Variants in EGFR observed in about 807,000 individuals in gnomAD.
EGFR encodes the protein epidermal growth factor receptor, also known as avian erythroblastic leukemia viral (v-erb-b) oncogene homolog.
EGFR carries 58 observed loss-of-function variants against 143.0 expected under a neutral mutation model. The ratio of observed to expected loss-of-function variants is 0.41; its 90% CI spans 0.33 to 0.50. EGFR has a LOEUF of 0.50. Ranked by LOEUF, EGFR falls within the 20% of genes least tolerant of loss-of-function variation. EGFR has a pLI of 0.39. For synonymous variants in EGFR, 613 were observed against 594.4 expected (o/e 1.03, Z -0.45); for missense variants, 1,307 against 1,579.0 (o/e 0.83, Z 2.92).
In EGFR at chr7:55,119,797, G is replaced by A. The variant is rs117900682; in HGVS notation, c.89-22489G>A. On this transcript the variant is annotated intron_variant, in intron 1 of 27. Coordinates refer to ENST00000275493, the MANE Select transcript of EGFR (RefSeq NM_005228.5). ...AGTGTCTTGAAAGGTCCTTCTATTG[G>A]AGGACACATTCTGTTGCAGCAGGTG... Among the ~76,000 whole-genome samples the A allele has an allele frequency of 2.8e-4, 42 of 152,260 alleles. No homozygotes were observed. In the East Asian group the frequency reaches 7.9e-3, roughly 29 times the overall value.
rs776250367 is a variant in EGFR, at chr7:55,093,985, C to T, written c.89-48301C>T. Among the ~76,000 whole-genome samples the T allele has an allele frequency of 2.8e-4, 43 of 152,018 alleles. 1 individual carries two copies. Among genetic ancestry groups the T allele is most frequent in the African/African-American group, 7.7e-4 (32 of 41,368 alleles). On this transcript the variant is annotated intron_variant, in intron 1 of 27. Coordinates refer to ENST00000275493, the MANE Select transcript of EGFR (RefSeq NM_005228.5). ...GTTGTGATGGTGGCAAAGCTGCAGG[C>T]GAGATGGGAAGTGCAGCCACTGAGA... is the stretch of plus-strand genomic sequence containing the variant.
At chr7:55,169,049 G>A (rs546019777) in intron 15 of EGFR, among the ~76,000 whole-genome samples, 7 of 152,078 alleles carry the variant, frequency 4.6e-5, no homozygotes, top group South Asian at 2.1e-4. Flanking sequence ...CCTTCCAACC[G>A]GGCAGGTGCA....
chr7:55,047,687 G>C (rs1014611098), intron 1 of EGFR, among the ~76,000 whole-genome samples: 3 of 152,310 alleles, frequency 2.0e-5, no homozygotes, highest in African/African-American at 7.2e-5. Flanking sequence ...GGAGCCGGAG[G>C]TTGCAGTGAG....
At chr7:55,155,705 A>G in intron 7 of EGFR, 125 bp from the exon 8 acceptor site, 1 of 795,610 alleles carries the variant, frequency 1.3e-6, no homozygotes. Flanking sequence ...TTTGTCCTTA[A>G]AGTAAATAAA....
chr7:55,105,131 A>AGCTT (rs1012845566), intron 1 of EGFR, among the ~76,000 whole-genome samples: 3 of 152,140 alleles, frequency 2.0e-5, no homozygotes, highest in African/African-American at 7.2e-5. Context: ...TTATTAGAGG[A>AGCTT]GCTTGCGGTT....
chr7:55,081,742 G>C (rs1393474816), intron 1 of EGFR, among the ~76,000 whole-genome samples: 1 of 150,380 alleles, frequency 6.6e-6, no homozygotes, highest in Admixed American at 6.6e-5. Flanking sequence ...TTATTTGCAA[G>C]CTTTTTTCTC....
chr7:55,028,011 TATATATATATATATACAC>T (rs1787024584), intron 1 of EGFR, among the ~76,000 whole-genome samples: 3 of 124,906 alleles, frequency 2.4e-5, no homozygotes, highest in African/African-American at 6.5e-5. Flanking sequence ...TATATATATA[TATATATATATATATACAC>T]ACACACACAC....
chr7:55,020,047 G>A lies in EGFR; in HGVS notation c.88+682G>A, dbSNP rs112244389. 7.4e-3 allele frequency among the ~76,000 whole-genome samples: 1,122 copies of A among 152,338 alleles called. 6 individuals carry two copies. Among genetic ancestry groups the A allele is most frequent in the Non-Finnish European group, 0.012 (783 of 68,018 alleles). On this transcript the variant is annotated intron_variant, in intron 1 of 27. Coordinates refer to ENST00000275493, the MANE Select transcript of EGFR (RefSeq NM_005228.5). ...GTCGCAGCCTCGACCTGGGAGCTGG[G>A]AGAACTCGTCTACCACCACCTGCGG...
intron 1 of EGFR, among the ~76,000 whole-genome samples, chr7:55,035,773 T>C (rs929764793): frequency 6.6e-6 from 1 of 152,128 alleles, no homozygotes; most frequent in Non-Finnish European, 1.5e-5. Context: ...AGTGGTTTGC[T>C]GTGATAGCAA....
rs1332386403 is a variant in EGFR, at chr7:55,092,776, C to T, written c.89-49510C>T. ...TAGCTCGGCCTGCCCCGGCGTCAGC[C>T]GCTCCTGGCAGGGCCAGCGGGCGGT... is the stretch of plus-strand genomic sequence containing the variant. On this transcript the variant is annotated intron_variant, in intron 1 of 27. Transcript: ENST00000275493. Among the ~76,000 whole-genome samples, 3 of 152,254 alleles carry T rather than the reference C, an allele frequency of 2.0e-5. No individual in the cohort carries two copies. In the East Asian group the frequency reaches 5.8e-4, roughly 29 times the overall value.
intron 1 of EGFR, among the ~76,000 whole-genome samples, chr7:55,040,092 G>A (rs565803569): frequency 6.6e-6 from 1 of 152,292 alleles, no homozygotes; most frequent in East Asian, 1.9e-4. Context: ...ATTAGGATCA[G>A]ACAGTTGAGT....
chr7:55,191,954 A>C (rs2128964897), intron 21 of EGFR, 80 bp downstream of exon 21: 1 of 1,591,626 alleles, frequency 6.3e-7, no homozygotes, highest in Non-Finnish European at 8.6e-7. Context: ...GTATTGTTTA[A>C]CACATGCAGG....
chr7:55,030,790 C>A (rs1240787151), intron 1 of EGFR, among the ~76,000 whole-genome samples: 1 of 152,178 alleles, frequency 6.6e-6, no homozygotes, highest in Non-Finnish European at 1.5e-5. Context: ...CCATATCATA[C>A]CATTTGTAAT....
At chr7:55,045,758 T>G (rs1032679363) in intron 1 of EGFR, among the ~76,000 whole-genome samples, 1 of 152,346 alleles carries the variant, frequency 6.6e-6, no homozygotes, top group Non-Finnish European at 1.5e-5. Flanking sequence ...AAATACCAAC[T>G]ATTTTATTGC....
At chr7:55,184,532 G>A (rs372298013) in intron 20 of EGFR, among the ~76,000 whole-genome samples, 4 of 152,212 alleles carry the variant, frequency 2.6e-5, no homozygotes, top group Admixed American at 2.0e-4. Context: ...AACTTAGTGC[G>A]TGTCCCATTT....
intron 15 of EGFR, among the ~76,000 whole-genome samples, chr7:55,166,790 G>GA: frequency 7.3e-6 from 1 of 136,136 alleles, no homozygotes; most frequent in South Asian, 3.1e-4. Context: ...TGTTGGTGGT[G>GA]TTGGTGGTGG....
intron 27 of EGFR, among the ~76,000 whole-genome samples, chr7:55,203,999 A>G (rs1787988922): frequency 6.6e-6 from 1 of 151,210 alleles, no homozygotes; most frequent in Admixed American, 6.6e-5. Flanking sequence ...TAGATATATA[A>G]CATATGTAAG....
chr7:55,091,860 A>T (rs1791138877), intron 1 of EGFR, among the ~76,000 whole-genome samples: 1 of 151,060 alleles, frequency 6.6e-6, no homozygotes. Flanking sequence ...ACACACACAC[A>T]CACACACACA....
At chr7:55,096,779 G>T (rs933999314) in intron 1 of EGFR, among the ~76,000 whole-genome samples, 1 of 152,196 alleles carries the variant, frequency 6.6e-6, no homozygotes, top group Non-Finnish European at 1.5e-5. Context: ...GCCCCTGCCA[G>T]CTTGCAGGGG....
Sources: gnomAD v4.1 joint callset for allele counts (sites outside exome capture counted in the v4.1 genomes callset) on GRCh38, gnomAD v4.1.1 for gene constraint, MANE v1.5 for transcripts, NCBI Gene and HGNC (gene_info 2026-07-23, HGNC 2026-07-21) for gene names.